AOPEP: variants seen among roughly 807,000 people sequenced by gnomAD.
AOPEP encodes the protein aminopeptidase O (putative).
Under a neutral mutation model 98.1 loss-of-function variants are expected in AOPEP, and 77 were observed. That is an observed-to-expected ratio of 0.78 (90% confidence interval 0.65 to 0.95). The LOEUF (loss-of-function observed/expected upper bound fraction) is 0.95, where lower values mean the gene tolerates loss of function less well. Ranked by LOEUF, AOPEP falls within the 40% of genes least tolerant of loss-of-function variation. The pLI, the probability that AOPEP is intolerant of heterozygous loss-of-function variation, is 0.00. For synonymous variants in AOPEP, 346 were observed against 365.3 expected, an observed-to-expected ratio of 0.95 and a Z score of 0.60; for missense variants, 1,024 against 1,024.7, an observed-to-expected ratio of 1.00 and a Z score of 0.01.
At chr9:95,055,956 C>G (rs1447511989) in intron 13 of AOPEP, among the ~76,000 whole-genome samples, 1 of 151,760 alleles carries the variant, frequency 6.6e-6, no homozygotes, top group Non-Finnish European at 1.5e-5. Flanking sequence ...GCAGAGAATG[C>G]TTTTCTGGAA....
At chr9:94,738,505 A>G (rs1322822961) in intron 1 of AOPEP, among the ~76,000 whole-genome samples, 4 of 152,212 alleles carry the variant, frequency 2.6e-5, no homozygotes, top group Non-Finnish European at 5.9e-5. Context: ...AGAACATCAG[A>G]GCACTGTGAA....
the AOPEP span, chr9:95,114,309 G>C: frequency 2.6e-6 from 1 of 380,526 alleles, no homozygotes; most frequent in African/African-American, 2.1e-5. Flanking sequence ...CAGCAGGTGG[G>C]TGCTGCTTTT....
intron 16 of AOPEP, chr9:95,085,288 G>C (rs752742190): frequency 2.1e-6 from 1 of 482,400 alleles, no homozygotes; most frequent in Non-Finnish European, 4.3e-6. Context: ...GGATTACCAC[G>C]CAACCACGAC....
chr9:95,119,080 T>C, the AOPEP span, among the ~76,000 whole-genome samples: 5 of 152,224 alleles, frequency 3.3e-5, no homozygotes, highest in African/African-American at 1.2e-4. Context: ...TCCATTCTAG[T>C]GGCTGGGAAC....
At chr9:94,747,369 A>G (rs1834750327) in intron 1 of AOPEP, among the ~76,000 whole-genome samples, 1 of 152,162 alleles carries the variant, frequency 6.6e-6, no homozygotes, top group Non-Finnish European at 1.5e-5. Flanking sequence ...CCCCACGGGT[A>G]TGAGTTTTGT....
chr9:94,871,721 TA>T (rs2046368820), intron 5 of AOPEP, among the ~76,000 whole-genome samples: 1 of 152,044 alleles, frequency 6.6e-6, no homozygotes, highest in Non-Finnish European at 1.5e-5. Context: ...TAACAAGAAA[TA>T]TGGGCTGGGC....
chr9:94,749,938 T>C (rs1448089457), intron 1 of AOPEP, among the ~76,000 whole-genome samples: 1 of 152,254 alleles, frequency 6.6e-6, no homozygotes. Flanking sequence ...ATTTTAGACA[T>C]TGTATTTGAT....
chr9:95,058,600 C>A (rs982612394), intron 13 of AOPEP, among the ~76,000 whole-genome samples: 1 of 152,206 alleles, frequency 6.6e-6, no homozygotes, highest in African/African-American at 2.4e-5. Flanking sequence ...TTGAGAAATG[C>A]TGCTCACCAG....
chr9:94,825,997 T>C (rs1162742209), intron 5 of AOPEP, among the ~76,000 whole-genome samples: 1 of 152,214 alleles, frequency 6.6e-6, no homozygotes, highest in Non-Finnish European at 1.5e-5. Flanking sequence ...TTTCTTTTTT[T>C]AGCAAAAACC....
Position 95,065,623 on chromosome 9 carries a change from G to A in AOPEP, c.2232+4813G>A, listed in dbSNP as rs563228942. On this transcript the variant is annotated intron_variant, in intron 14 of 16. Transcript: ENST00000375315. ...GCCCTACAAGGCAGGTTTTCAGATT[G>A]AACATGAAAAAGAACACCATTGTGG... Among the ~76,000 whole-genome samples the A allele has an allele frequency of 1.2e-3, 183 of 152,342 alleles. 1 individual carries two copies. The highest frequency in any genetic ancestry group is 3.5e-3 in the Admixed American group (54 of 15,306).
intron 5 of AOPEP, among the ~76,000 whole-genome samples, chr9:94,918,161 C>A (rs529342417): frequency 1.3e-5 from 2 of 152,158 alleles, no homozygotes; most frequent in Non-Finnish European, 2.9e-5. Context: ...GACCTAAGTA[C>A]CTTTGTAAGG....
chr9:94,958,078 A>G (rs2058589265), intron 9 of AOPEP, among the ~76,000 whole-genome samples: 2 of 152,126 alleles, frequency 1.3e-5, no homozygotes, highest in Admixed American at 1.3e-4. Flanking sequence ...AGCAACCGCC[A>G]TTCTACTTTC....
Position 95,082,543 on chromosome 9 carries a change from G to C in AOPEP, c.2320-32G>C, listed in dbSNP as rs368603519. The C allele has an allele frequency of 3.1e-6, 5 of 1,610,200 alleles. No individual in the cohort carries two copies. The South Asian group carries it at 5.5e-5, about 18-fold the overall frequency. On this transcript the variant is annotated intron_variant, in intron 15 of 16. Transcript: ENST00000375315. ...CGTGTGTGTGGGTACCCACACCTTC[G>C]CCTGATGCCCTTTGGCCTCTGTGCC...
At chr9:94,935,649 C>G (rs1388322947) in intron 7 of AOPEP, among the ~76,000 whole-genome samples, 1 of 152,160 alleles carries the variant, frequency 6.6e-6, no homozygotes, top group Non-Finnish European at 1.5e-5. Context: ...TCAGGCAACC[C>G]CAGGGCCACC....
At chr9:95,133,714 C>T in the AOPEP span, among the ~76,000 whole-genome samples, 1 of 152,086 alleles carries the variant, frequency 6.6e-6, no homozygotes, top group Admixed American at 6.5e-5. Context: ...TCATAAGCAC[C>T]CTGGAAGCAA....
In AOPEP at chr9:94,930,983, C is replaced by T. The variant is rs765590251; in HGVS notation, c.1661+2452C>T. 4.6e-5 allele frequency among the ~76,000 whole-genome samples: 7 copies of T among 152,168 alleles called. No individual in the cohort carries two copies. The highest frequency in any genetic ancestry group is 1.0e-4 in the Non-Finnish European group (7 of 68,016). On this transcript the variant is annotated intron_variant, in intron 7 of 16. Transcript: ENST00000375315. The surrounding 1 kb of genome is among the most constrained non-coding windows in gnomAD (Gnocchi z 4.5). ...CCCTTCACCTCTTAAAGGCTCAGTC[C>T]CTCCACCTAAGAGGTCATTTCCATT...
intron 5 of AOPEP, among the ~76,000 whole-genome samples, chr9:94,870,881 T>G (rs1460475120): frequency 2.6e-5 from 4 of 152,260 alleles, no homozygotes; most frequent in African/African-American, 9.6e-5. Flanking sequence ...GAGGTCTGTC[T>G]GTGTCTGGCT....
At chr9:94,739,979 A>T (rs1328130372) in intron 1 of AOPEP, among the ~76,000 whole-genome samples, 1 of 152,186 alleles carries the variant, frequency 6.6e-6, no homozygotes, top group Non-Finnish European at 1.5e-5. Context: ...GTATGGCATG[A>T]TGACAGACAC....
At position 94,800,623 on chromosome 9, in the gene AOPEP, T is replaced by C. The variant is rs1230716309; in HGVS notation, c.1119-134T>C. On this transcript the variant is annotated intron_variant, in intron 4 of 16. Transcript: ENST00000375315. ...GCACAGAGCCAGTCAAGCCAAGAAT[T>C]GAAATGAGCAGTCTTTGCTTGTGAG... is the stretch of plus-strand genomic sequence containing the variant. The C allele has an allele frequency of 4.6e-5, 41 of 888,072 alleles. 1 individual carries two copies. In the South Asian group the frequency reaches 6.0e-4, roughly 13 times the overall value. The allele number at this position is 888,072 out of a possible 1,614,324, so 55.0% of individuals were successfully genotyped here.
Sources: allele counts gnomAD v4.1 joint callset (sites outside exome capture counted in the v4.1 genomes callset), GRCh38; gene constraint gnomAD v4.1.1; non-coding constraint Gnocchi (gnomAD v3.1); transcripts MANE v1.5; gene names NCBI Gene and HGNC (gene_info 2026-07-23, HGNC 2026-07-21).